The following SLC30A6 variants were observed in gnomAD, a reference collection of about 807,000 sequenced individuals.
The protein encoded by SLC30A6 is zinc transporter 6.
Under a neutral mutation model 63.0 loss-of-function variants are expected in SLC30A6, and 55 were observed. The observed-to-expected ratio is 0.87, with a 90% CI of 0.70 to 1.09. The LOEUF is 1.09. Ranked by LOEUF, SLC30A6 falls within the 50% of genes least tolerant of loss-of-function variation. The pLI, the probability that SLC30A6 is intolerant of heterozygous loss-of-function variation, is 0.00. For synonymous variants in SLC30A6, 224 were observed against 186.1 expected (o/e 1.20, Z -1.66); for missense variants, 587 against 549.2 (o/e 1.07, Z -0.69).
chr2:32,173,969 C>A, intron 2 of SLC30A6, 94 bp from the exon 3 acceptor site: 1 of 877,196 alleles, frequency 1.1e-6, no homozygotes, highest in South Asian at 2.0e-5. Context: ...TATGTTTATT[C>A]CTTTGAATAT....
At chr2:32,176,953 A>G (rs562936743) in intron 4 of SLC30A6, among the ~76,000 whole-genome samples, 1 of 151,180 alleles carries the variant, frequency 6.6e-6, no homozygotes, top group South Asian at 2.1e-4. Context: ...TTGTACTTTT[A>G]GTGGAGACGG....
At chr2:32,205,965 G>A (rs770821168) in intron 11 of SLC30A6, among the ~76,000 whole-genome samples, 1 of 151,316 alleles carries the variant, frequency 6.6e-6, no homozygotes, top group African/African-American at 2.4e-5. Flanking sequence ...CACTGCACCC[G>A]GCCTGAAATT....
At chr2:32,177,407 C>A in intron 4 of SLC30A6, 1 of 182,208 alleles carries the variant, frequency 5.5e-6, no homozygotes, top group Non-Finnish European at 1.2e-5. Flanking sequence ...TCTTTTGCCT[C>A]AGCCTCCCAA....
At chr2:32,202,021 A>G (rs1193094037) in intron 10 of SLC30A6, 7 of 1,126,630 alleles carry the variant, frequency 6.2e-6, no homozygotes, top group African/African-American at 3.2e-5. Context: ...ATTGATGAAT[A>G]TGAAAAAAAA....
intron 11 of SLC30A6, 43 bp from the exon 12 acceptor site, chr2:32,206,843 T>A (rs375583122): frequency 2.3e-5 from 36 of 1,550,172 alleles, no homozygotes; most frequent in East Asian, 1.3e-4. Context: ...GGCAAACTTT[T>A]TTCCTTCCCC....
intron 4 of SLC30A6, among the ~76,000 whole-genome samples, chr2:32,178,194 G>T (rs562803478): frequency 1.3e-5 from 2 of 151,724 alleles, no homozygotes; most frequent in Non-Finnish European, 2.9e-5. Context: ...TGATCCGCCC[G>T]CCTCGGCTTC....
At chr2:32,173,310 C>T (rs1401121915) in intron 2 of SLC30A6, among the ~76,000 whole-genome samples, 1 of 152,028 alleles carries the variant, frequency 6.6e-6, no homozygotes, top group African/African-American at 2.4e-5. Flanking sequence ...CTCTGTGTTG[C>T]CAAAATGAAG....
intron 4 of SLC30A6, 40 bp from the exon 5 acceptor site, chr2:32,184,233 T>G (rs768703539): frequency 2.2e-5 from 26 of 1,208,328 alleles, no homozygotes; most frequent in Non-Finnish European, 2.0e-5. Flanking sequence ...ACATGTTCTC[T>G]TCTAGTTCTA....
chr2:32,175,385 G>T (rs1681643422), intron 4 of SLC30A6, 24 bp downstream of exon 4: 2 of 1,603,124 alleles, frequency 1.2e-6, no homozygotes, highest in Middle Eastern at 1.8e-4. Context: ...AAATCTTAAT[G>T]TTTTGGAGCT....
chr2:32,175,420 G>T (rs576962658), intron 4 of SLC30A6, 59 bp downstream of exon 4: 2 of 1,450,190 alleles, frequency 1.4e-6, no homozygotes, highest in Non-Finnish European at 1.9e-6. Flanking sequence ...TAGAAATGTG[G>T]TATAGCCATA....
chr2:32,176,947 A>G (rs1272035731), intron 4 of SLC30A6, among the ~76,000 whole-genome samples: 1 of 150,884 alleles, frequency 6.6e-6, no homozygotes, highest in Non-Finnish European at 1.5e-5. Flanking sequence ...AAATTTTTGT[A>G]CTTTTAGTGG....
chr2:32,200,616 G>C (rs1360557787), intron 10 of SLC30A6, among the ~76,000 whole-genome samples: 1 of 150,872 alleles, frequency 6.6e-6, no homozygotes, highest in Non-Finnish European at 1.5e-5. Flanking sequence ...GATTAAGGGC[G>C]GTGCAAGATG....
intron 12 of SLC30A6, 128 bp downstream of exon 12, chr2:32,207,061 C>G (rs1319375629): frequency 1.4e-6 from 1 of 715,382 alleles, no homozygotes; most frequent in Non-Finnish European, 2.4e-6. Context: ...TTCACAATAA[C>G]ATACTAGGAG....
intron 10 of SLC30A6, among the ~76,000 whole-genome samples, chr2:32,200,702 G>T (rs1684211692): frequency 6.6e-6 from 1 of 151,558 alleles, no homozygotes; most frequent in African/African-American, 2.4e-5. Context: ...AAGTACCCAG[G>T]GACACAAACA....
At chr2:32,167,426 G>A (rs1470591676) in intron 1 of SLC30A6, among the ~76,000 whole-genome samples, 1 of 143,606 alleles carries the variant, frequency 7.0e-6, no homozygotes, top group African/African-American at 2.6e-5. Flanking sequence ...TGCAACATCC[G>A]TATTTCAGCC....
chr2:32,201,958 G>C (rs146067341), intron 10 of SLC30A6: 13 of 1,434,648 alleles, frequency 9.1e-6, no homozygotes, highest in Non-Finnish European at 1.1e-5. Context: ...TAGACTTTCA[G>C]ATGAATTCTC....
chr2:32,189,770 G>A (rs1683166129), intron 5 of SLC30A6, among the ~76,000 whole-genome samples: 2 of 151,166 alleles, frequency 1.3e-5, no homozygotes, highest in South Asian at 4.2e-4. Flanking sequence ...CACCATGCCT[G>A]GCTAATTTTT....
intron 7 of SLC30A6, 108 bp from the exon 8 acceptor site, chr2:32,193,781 A>G: frequency 2.5e-6 from 2 of 809,246 alleles, no homozygotes; most frequent in Non-Finnish European, 2.0e-6. Context: ...CAAATCATTA[A>G]AGCAGACCAC....
intron 10 of SLC30A6, chr2:32,201,888 C>A: frequency 1.4e-6 from 2 of 1,467,730 alleles, no homozygotes; most frequent in Admixed American, 1.9e-5. Flanking sequence ...TGGATGCTCC[C>A]AAGACCAAAA....
Sources: gnomAD v4.1 joint callset for allele counts (sites outside exome capture counted in the v4.1 genomes callset) on GRCh38, gnomAD v4.1.1 for gene constraint, MANE v1.5 for transcripts, NCBI Gene and HGNC (gene_info 2026-07-23, HGNC 2026-07-21) for gene names.